CDH1: variants seen among roughly 807,000 people sequenced by gnomAD.
CDH1 encodes cadherin-1.
CDH1 carries 35 observed loss-of-function variants against 84.5 expected under a neutral mutation model. The observed-to-expected ratio is 0.41, with a 90% CI of 0.32 to 0.55. The LOEUF is 0.55. Ranked by LOEUF, CDH1 falls within the 20% of genes least tolerant of loss-of-function variation. The pLI is 0.19. For missense variants in CDH1, 994 were observed against 1,126.6 expected (o/e 0.88, Z 1.68); for synonymous variants, 417 against 439.0 (o/e 0.95, Z 0.63).
At position 68,808,757 on chromosome 16, in the gene CDH1, C is replaced by T. The variant is rs750249747; in HGVS notation, c.596C>T (p.Thr199Ile). The T allele has an allele frequency of 2.5e-6, 4 of 1,614,148 alleles. No homozygotes were observed. Among genetic ancestry groups the T allele is most frequent in the South Asian group, 1.1e-5 (1 of 91,084 alleles). The part of the protein sequence containing the change: ...FYSITGQGAD[T>I]PPVGVFIIER... ...AGCATCACTGGCCAAGGAGCTGACA[C>T]ACCCCCTGTTGGTGTCTTTATTATT... The change falls in exon 5 of 16, where the codon ACA becomes ATA. Residue 199 changes from threonine (T) to isoleucine (I), a missense_variant. Thr to Ile is a moderately conservative substitution (Grantham distance 89, BLOSUM62 -1). This residue lies in a region of CDH1 where 769 missense variants were observed against 881.8 expected (regional missense o/e 0.87). Coordinates refer to ENST00000261769, the MANE Select transcript of CDH1 (RefSeq NM_004360.5).
At chr16:68,798,015 G>A (rs1960408904) in intron 2 of CDH1, among the ~76,000 whole-genome samples, 2 of 151,952 alleles carry the variant, frequency 1.3e-5, no homozygotes, top group South Asian at 4.2e-4. Flanking sequence ...GGAGGCAGAG[G>A]TTGCAGTGAG....
At chr16:68,821,858 G>A in intron 11 of CDH1, 143 bp from the exon 12 acceptor site, 1 of 713,076 alleles carries the variant, frequency 1.4e-6, no homozygotes, top group South Asian at 1.5e-5. Flanking sequence ...GGGATTGGTG[G>A]GACAGGAGGT....
At position 68,821,967 on chromosome 16, in the gene CDH1, C is replaced by T. The variant is rs1318454625; in HGVS notation, c.1712-34C>T. On this transcript the variant is annotated intron_variant, in intron 11 of 15. Coordinates refer to ENST00000261769, the MANE Select transcript of CDH1 (RefSeq NM_004360.5). ...GGCAATGGGGATTCATTACTGTTGC[C>T]AAGCTGCCACATTTTCTGTGTATTT... 4 of 1,558,778 alleles carry T rather than the reference C, an allele frequency of 2.6e-6. No homozygotes were observed. The Admixed American group carries it at 5.0e-5, about 20-fold the overall frequency.
At chr16:68,773,867 C>T (rs928432528) in intron 2 of CDH1, among the ~76,000 whole-genome samples, 2 of 152,152 alleles carry the variant, frequency 1.3e-5, no homozygotes, top group Non-Finnish European at 2.9e-5. Flanking sequence ...ATGGCCAAGA[C>T]GAGAGATTGG....
At chr16:68,749,307 G>A (rs1486286681) in intron 2 of CDH1, among the ~76,000 whole-genome samples, 1 of 152,214 alleles carries the variant, frequency 6.6e-6, no homozygotes, top group East Asian at 1.9e-4. Flanking sequence ...TGTTGAGTTT[G>A]AGTGTCTGAA....
chr16:68,768,803 T>C (rs1472901546), intron 2 of CDH1, among the ~76,000 whole-genome samples: 1 of 152,228 alleles, frequency 6.6e-6, no homozygotes, highest in Non-Finnish European at 1.5e-5. Flanking sequence ...TATTATCTTA[T>C]ATGTTGTAAT....
intron 2 of CDH1, among the ~76,000 whole-genome samples, chr16:68,777,676 T>C (rs1959771691): frequency 6.6e-6 from 1 of 151,746 alleles, no homozygotes; most frequent in East Asian, 1.9e-4. Flanking sequence ...CCTGAGTGGC[T>C]TGACTATAGG....
chr16:68,822,278 T>G, intron 12 of CDH1, 53 bp downstream of exon 12: 4 of 1,177,320 alleles, frequency 3.4e-6, no homozygotes, highest in Middle Eastern at 2.3e-4. Flanking sequence ...CATGCTTCCC[T>G]TCCCCCAGAT....
intron 2 of CDH1, among the ~76,000 whole-genome samples, chr16:68,759,425 T>C (rs1963102443): frequency 6.6e-6 from 1 of 152,166 alleles, no homozygotes; most frequent in South Asian, 2.1e-4. Flanking sequence ...ATGATCTTGT[T>C]TTTTTAATCC....
At chr16:68,799,146 TG>T (rs1363012509) in intron 2 of CDH1, among the ~76,000 whole-genome samples, 2 of 152,170 alleles carry the variant, frequency 1.3e-5, no homozygotes, top group African/African-American at 2.4e-5. Flanking sequence ...AGCAAGAACA[TG>T]GCAGAATCTG....
chr16:68,744,939 G>A (rs1237759357), intron 2 of CDH1, among the ~76,000 whole-genome samples: 2 of 152,158 alleles, frequency 1.3e-5, no homozygotes, highest in East Asian at 3.9e-4. Context: ...CTGCTTCTGT[G>A]TTAAGCAAAC....
At chr16:68,804,195 G>C (rs1442506587) in intron 3 of CDH1, among the ~76,000 whole-genome samples, 3 of 129,628 alleles carry the variant, frequency 2.3e-5, no homozygotes, top group Non-Finnish European at 4.7e-5. Context: ...CTCACTGCAA[G>C]CTCCACCTCC....
At position 68,803,206 on chromosome 16, in the gene CDH1, A is replaced by G. The variant is rs548227161; in HGVS notation, c.387+1313A>G. On this transcript the variant is annotated intron_variant, in intron 3 of 15. Transcript: ENST00000261769. ...AGACTCTTGATATTCTTGGAACTTA[A>G]TGGTCCTCCCGATCTGATTTTTCTC... 1.1e-4 allele frequency among the ~76,000 whole-genome samples: 16 copies of G among 152,202 alleles called. No individual in the cohort carries two copies. The South Asian group carries it at 2.5e-3, about 24-fold the overall frequency.
chr16:68,804,842 T>C (rs925920132), intron 3 of CDH1, among the ~76,000 whole-genome samples: 5 of 139,272 alleles, frequency 3.6e-5, no homozygotes, highest in Non-Finnish European at 7.7e-5. Flanking sequence ...TTTTTTTTTT[T>C]TTTTTGGAGA....
intron 2 of CDH1, among the ~76,000 whole-genome samples, chr16:68,796,210 C>T (rs1037471501): frequency 7.2e-5 from 11 of 151,968 alleles, no homozygotes; most frequent in African/African-American, 2.4e-4. Flanking sequence ...CTTTGGTGTT[C>T]GCTGTGGGAA....
chr16:68,790,682 A>G (rs894934780), intron 2 of CDH1, among the ~76,000 whole-genome samples: 10 of 152,158 alleles, frequency 6.6e-5, no homozygotes, highest in African/African-American at 1.9e-4. Context: ...CCTTGCTAGA[A>G]TGGAGATGAG....
At chr16:68,755,493 G>A (rs1332504706) in intron 2 of CDH1, among the ~76,000 whole-genome samples, 2 of 151,622 alleles carry the variant, frequency 1.3e-5, no homozygotes, top group East Asian at 1.9e-4. Flanking sequence ...CAATACCCCC[G>A]CCTTGGCCTC....
At chr16:68,755,282 C>CAAAGAAAAAAAAA (rs1962989738) in intron 2 of CDH1, among the ~76,000 whole-genome samples, 1 of 96,054 alleles carries the variant, frequency 1.0e-5, no homozygotes, top group Non-Finnish European at 2.1e-5. Context: ...GACTCTGTCT[C>CAAAGAAAAAAAAA]AAAAAAAAAA....
chr16:68,827,229 C>T (rs1403612867), intron 13 of CDH1, among the ~76,000 whole-genome samples: 1 of 151,724 alleles, frequency 6.6e-6, no homozygotes, highest in East Asian at 1.9e-4. Context: ...TGAGATTGCG[C>T]CACTACACTC....
Sources: gnomAD v4.1 joint callset for allele counts (sites outside exome capture counted in the v4.1 genomes callset) on GRCh38, gnomAD v4.1.1 for gene constraint, gnomAD v4.1.1 regional missense constraint, MANE v1.5 for transcripts, NCBI Gene and HGNC (gene_info 2026-07-23, HGNC 2026-07-21) for gene names.